SLC30A6: variants seen among roughly 807,000 people sequenced by gnomAD.
SLC30A6 encodes solute carrier family 30 member 6.
A neutral mutation model predicts 63.0 loss-of-function variants in SLC30A6; 55 were observed. The observed-to-expected ratio is 0.87, with a 90% CI of 0.70 to 1.09. SLC30A6 has a LOEUF of 1.09. SLC30A6 is among the 50% of genes least tolerant of loss of function. The pLI is 0.00. For missense variants in SLC30A6, 587 were observed against 549.2 expected (o/e 1.07, Z -0.69); for synonymous variants, 224 against 186.1 (o/e 1.20, Z -1.66).
chr2:32,204,347 A>G (rs1376633633), intron 10 of SLC30A6, among the ~76,000 whole-genome samples: 2 of 152,186 alleles, frequency 1.3e-5, no homozygotes, highest in African/African-American at 2.4e-5. Flanking sequence ...TTTTTTCATC[A>G]TACCTCTTCC....
chr2:32,201,428 A>T (rs1048722935), intron 10 of SLC30A6, among the ~76,000 whole-genome samples: 1 of 152,186 alleles, frequency 6.6e-6, no homozygotes, highest in Non-Finnish European at 1.5e-5. Context: ...GCTCACTGGA[A>T]ACTTGATATA....
intron 13 of SLC30A6, among the ~76,000 whole-genome samples, chr2:32,215,769 G>T (rs1014754349): frequency 6.6e-6 from 1 of 151,894 alleles, no homozygotes; most frequent in Non-Finnish European, 1.5e-5. Context: ...CAGGGGTATA[G>T]TCATGGCTCA....
intron 8 of SLC30A6, among the ~76,000 whole-genome samples, chr2:32,194,902 G>T (rs1683641282): frequency 6.6e-6 from 1 of 151,980 alleles, no homozygotes; most frequent in Non-Finnish European, 1.5e-5. Context: ...TTTTTAAGAT[G>T]GTGCAAAGAT....
At chr2:32,170,771 A>G (rs998751792) in intron 1 of SLC30A6, among the ~76,000 whole-genome samples, 2 of 152,038 alleles carry the variant, frequency 1.3e-5, no homozygotes, top group Non-Finnish European at 2.9e-5. Context: ...GTTCATTTCT[A>G]TATTTTTAGT....
At chr2:32,197,299 T>TG in intron 8 of SLC30A6, 45 bp from the exon 9 acceptor site, 1 of 1,528,364 alleles carries the variant, frequency 6.5e-7, no homozygotes, top group Non-Finnish European at 8.8e-7. Flanking sequence ...AGGTAGTGGT[T>TG]TTTTTTTCTT....
chr2:32,201,488 A>G (rs575797417), intron 10 of SLC30A6: 2 of 445,076 alleles, frequency 4.5e-6, no homozygotes, highest in South Asian at 4.7e-5. Flanking sequence ...TACTAGTTGA[A>G]TGACACACAG....
intron 4 of SLC30A6, among the ~76,000 whole-genome samples, chr2:32,183,750 A>G (rs12467069): frequency 3.3e-4 from 50 of 151,960 alleles, no homozygotes; most frequent in Admixed American, 3.0e-3. Context: ...AACTGGGTCT[A>G]ACGCAGATAG....
chr2:32,166,428 AG>A (rs1178593466), intron 1 of SLC30A6, among the ~76,000 whole-genome samples: 7 of 152,238 alleles, frequency 4.6e-5, no homozygotes, highest in African/African-American at 1.7e-4. Flanking sequence ...AACTACAGAA[AG>A]TCAAGGTGTT....
intron 4 of SLC30A6, among the ~76,000 whole-genome samples, chr2:32,181,932 TC>T (rs373598530): frequency 2.7e-5 from 4 of 146,188 alleles, no homozygotes. Flanking sequence ...GTTTTTCTTT[TC>T]TTTTTTTTTT....
intron 10 of SLC30A6, 57 bp from the exon 11 acceptor site, chr2:32,204,533 T>C: frequency 1.7e-6 from 2 of 1,177,580 alleles, no homozygotes; most frequent in Non-Finnish European, 2.5e-6. Flanking sequence ...GGAGATTTAA[T>C]TGTAATATGC....
In SLC30A6 at chr2:32,193,796, C is replaced by G. The variant is rs147451403; in HGVS notation, c.402-93C>G. On this transcript the variant is annotated intron_variant, in intron 7 of 13. Coordinates refer to ENST00000282587, the MANE Select transcript of SLC30A6 (RefSeq NM_017964.5). ...CAAATCATTAAAGCAGACCACTTTA[C>G]CTTCCCACCTCTTAGTCCCTCTACG... 5.8e-4 allele frequency: 555 copies of G among 963,924 alleles called. 4 individuals are homozygous for G. The African/African-American group carries it at 8.5e-3, about 15-fold the overall frequency. The allele number at this position is 963,924 out of a possible 1,614,324, so 59.7% of individuals were successfully genotyped here. A position where few individuals can be genotyped will look rare whatever the true frequency, so the allele number is the denominator to read the frequency against.
chr2:32,203,106 G>C (rs1161851389), intron 10 of SLC30A6: 5 of 1,309,434 alleles, frequency 3.8e-6, no homozygotes, highest in East Asian at 4.6e-5. Context: ...AGACTTCAGA[G>C]AAGGTAGTTT....
At chr2:32,197,225 C>A in intron 8 of SLC30A6, 119 bp from the exon 9 acceptor site, 2 of 831,180 alleles carry the variant, frequency 2.4e-6, no homozygotes, top group South Asian at 1.8e-5. Flanking sequence ...GTAGCATGTT[C>A]TTTTGTAATG....
Position 32,193,949 on chromosome 2 carries a change from T to G in SLC30A6, c.462T>G (p.Ser154=), listed in dbSNP as rs1683558575. Residue 154 remains serine (S), a synonymous_variant, in exon 8 of 14, where the codon TCT becomes TCG. Coordinates refer to ENST00000282587, the MANE Select transcript of SLC30A6 (RefSeq NM_017964.5). The part of the protein sequence containing the change: ...ALCFNLFTML[S]IRNKPFAYVS... Reference sequence around the variant, plus strand: ...GTTTCAACCTGTTCACGATGCTTTCTATTCGGAATAAACCTTTTGCTTATG... The same window carrying G: ...GTTTCAACCTGTTCACGATGCTTTCGATTCGGAATAAACCTTTTGCTTATG... 1.2e-6 allele frequency: 2 copies of G among 1,613,654 alleles called. No individual in the cohort carries two copies. Among genetic ancestry groups the G allele is most frequent in the Non-Finnish European group, 1.7e-6 (2 of 1,179,776 alleles).
intron 11 of SLC30A6, among the ~76,000 whole-genome samples, chr2:32,206,604 G>T (rs1052330629): frequency 6.6e-6 from 1 of 152,080 alleles, no homozygotes. Context: ...TACAAAATAC[G>T]ACCTTTGTAA....
In SLC30A6 at chr2:32,193,988, GT is replaced by G. The variant is rs1558399862; in HGVS notation, c.496+11del. On this transcript the variant is annotated splice_donor_region_variant and intron_variant, in intron 8 of 13. Coordinates refer to ENST00000282587, the MANE Select transcript of SLC30A6 (RefSeq NM_017964.5). ...CTTTTGCTTATGTCTCAGAAGGTAT[GT>G]TTTTTATTTACTATTAATTTAAAAA... is the stretch of plus-strand genomic sequence containing the variant. 1.2e-6 allele frequency: 2 copies of G among 1,601,306 alleles called. No individual in the cohort carries two copies. Among genetic ancestry groups the G allele is most frequent in the Non-Finnish European group, 1.7e-6 (2 of 1,174,134 alleles).
chr2:32,215,799 G>C (rs212695), intron 13 of SLC30A6, among the ~76,000 whole-genome samples: 1 of 151,654 alleles, frequency 6.6e-6, no homozygotes, highest in African/African-American at 2.4e-5. Context: ...CAACCCTCTA[G>C]GCTCAAGCAG....
intron 1 of SLC30A6, among the ~76,000 whole-genome samples, chr2:32,169,792 T>C (rs1681031022): frequency 6.6e-6 from 1 of 152,020 alleles, no homozygotes; most frequent in Non-Finnish European, 1.5e-5. Flanking sequence ...TGGATGTGAC[T>C]GTGTATAGGG....
At chr2:32,175,692 G>C (rs1383174167) in intron 4 of SLC30A6, among the ~76,000 whole-genome samples, 1 of 152,094 alleles carries the variant, frequency 6.6e-6, no homozygotes, top group Non-Finnish European at 1.5e-5. Flanking sequence ...ACAGTAATTA[G>C]AGAGCAGGTG....
Sources: allele counts gnomAD v4.1 joint callset (sites outside exome capture counted in the v4.1 genomes callset), GRCh38; gene constraint gnomAD v4.1.1; transcripts MANE v1.5; gene names NCBI Gene and HGNC (gene_info 2026-07-23, HGNC 2026-07-21).